CTNNB1: variants seen among roughly 807,000 people sequenced by gnomAD.
CTNNB1 encodes the protein catenin beta-1.
A neutral mutation model predicts 82.5 loss-of-function variants in CTNNB1; 6 were observed. The observed-to-expected ratio is 0.07, with a 90% CI of 0.04 to 0.14. CTNNB1 has a LOEUF of 0.14. Ranked by LOEUF, CTNNB1 falls within the 10% of genes least tolerant of loss-of-function variation. CTNNB1 has a pLI of 1.00. For synonymous variants in CTNNB1, 312 were observed against 329.7 expected (o/e 0.95, Z 0.58); for missense variants, 529 against 980.4 (o/e 0.54, Z 6.15).
chr3:41,216,921 C>T (rs1166652656), intron 1 of CTNNB1, among the ~76,000 whole-genome samples: 2 of 152,058 alleles, frequency 1.3e-5, no homozygotes, highest in Non-Finnish European at 2.9e-5. Flanking sequence ...CTACAGTAAC[C>T]TCCTAAATGG....
intron 1 of CTNNB1, among the ~76,000 whole-genome samples, chr3:41,202,994 A>G (rs1033189884): frequency 6.6e-6 from 1 of 151,726 alleles, no homozygotes; most frequent in Non-Finnish European, 1.5e-5. Flanking sequence ...CTTGAAAGAT[A>G]AAGTCAATCA....
intron 6 of CTNNB1, among the ~76,000 whole-genome samples, chr3:41,226,811 G>C (rs1362065122): frequency 6.6e-6 from 1 of 152,156 alleles, no homozygotes; most frequent in Non-Finnish European, 1.5e-5. Flanking sequence ...GAAAATTAAA[G>C]GGCCAAATGA....
chr3:41,236,556 T>G (rs1373594301), intron 12 of CTNNB1, 32 bp from the exon 13 acceptor site: 2 of 1,614,188 alleles, frequency 1.2e-6, no homozygotes, highest in South Asian at 1.1e-5. Context: ...TCTCAGTTTT[T>G]CCTCAAGGGC....
Position 41,235,756 on chromosome 3 carries a change from T to C in CTNNB1, c.1716T>C (p.Gly572=), listed in dbSNP as rs768895650. The stretch of plus-strand genomic sequence containing the variant: ...TCCGCATGGAAGAAATAGTTGAAGG[T>C]TGTACCGGAGCCCTTCACATCCTAG... ...EGVRMEEIVE[G]CTGALHILAR... is the part of the protein sequence containing the mutation. The change falls in exon 11 of 15, where the codon GGT becomes GGC. Residue 572 remains glycine (G), a synonymous_variant. Coordinates refer to ENST00000349496, the MANE Select transcript of CTNNB1 (RefSeq NM_001904.4). 2 of 1,614,144 alleles carry C rather than the reference T, an allele frequency of 1.2e-6. No homozygotes were observed. Among genetic ancestry groups the C allele is most frequent in the Admixed American group, 1.7e-5 (1 of 60,020 alleles).
chr3:41,229,876 CTGTGTGTGTGTGTG>C (rs58153157), intron 7 of CTNNB1, among the ~76,000 whole-genome samples: 6 of 147,128 alleles, frequency 4.1e-5, no homozygotes, highest in African/African-American at 1.0e-4. Context: ...CTCTTGGGTT[CTGTGTGTGTGTGTG>C]TGTGTGTGTG....
Position 41,215,213 on chromosome 3 carries a change from TAAAAAAAAAAAA to T in CTNNB1, c.-48-8794_-48-8783del, listed in dbSNP as rs10576683. On this transcript the variant is annotated intron_variant, in intron 1 of 14. Coordinates refer to ENST00000349496, the MANE Select transcript of CTNNB1 (RefSeq NM_001904.4). ...CAAGATGGTGAAACCCTGTCTCCAT[TAAAAAAAAAAAA>T]AAAAAAAAAAAAATAGCTGGGGTTG... 5.3e-5 allele frequency among the ~76,000 whole-genome samples: 4 copies of T among 76,174 alleles called. No homozygotes were observed. The Admixed American group carries it at 6.5e-4, about 12-fold the overall frequency. 50.0% of individuals were successfully genotyped at this position (76,174 alleles called of 152,430 possible).
Position 41,224,626 on chromosome 3 carries a change from T to G in CTNNB1, c.114T>G (p.Gly38=), listed in dbSNP as rs2125617412. The change falls in exon 3 of 15, where the codon GGT becomes GGG. Residue 38 remains glycine, a synonymous_variant. Coordinates refer to ENST00000349496, the MANE Select transcript of CTNNB1 (RefSeq NM_001904.4). Reference sequence around the variant, plus strand: ...ACCTGGACTCTGGAATCCATTCTGGTGCCACTACCACAGCTCCTTCTCTGA... The same window carrying G: ...ACCTGGACTCTGGAATCCATTCTGGGGCCACTACCACAGCTCCTTCTCTGA... ...QSYLDSGIHS[G]ATTTAPSLSG... The G allele has an allele frequency of 6.2e-7, 1 of 1,613,978 alleles. No individual in the cohort carries two copies. The highest frequency in any genetic ancestry group is 8.5e-7 in the Non-Finnish European group (1 of 1,179,966).
At chr3:41,220,787 G>T (rs2078028999) in intron 1 of CTNNB1, 2 of 152,082 alleles carry the variant, frequency 1.3e-5, no homozygotes, top group Admixed American at 1.3e-4. Context: ...AAATATGTCT[G>T]CTTTATATTT....
intron 1 of CTNNB1, among the ~76,000 whole-genome samples, chr3:41,215,864 T>A (rs2125602661): frequency 6.6e-6 from 1 of 152,304 alleles, no homozygotes; most frequent in Admixed American, 6.5e-5. Flanking sequence ...CAAAGTATGG[T>A]GTATATTTCA....
At chr3:41,224,342 TC>T (rs1199026348) in intron 2 of CTNNB1, 183 bp from the exon 3 acceptor site, 7 of 717,202 alleles carry the variant, frequency 9.8e-6, no homozygotes, top group Middle Eastern at 3.4e-4. Context: ...GTTAGGTGGT[TC>T]CCTAAGGGAT....
At chr3:41,226,248 G>A (rs2078174473) in intron 6 of CTNNB1, among the ~76,000 whole-genome samples, 1 of 152,208 alleles carries the variant, frequency 6.6e-6, no homozygotes. Flanking sequence ...GTTTCCATAT[G>A]TAAAGCACTA....
intron 10 of CTNNB1, 88 bp downstream of exon 10, chr3:41,234,385 T>TC: frequency 1.5e-6 from 2 of 1,321,226 alleles, no homozygotes; most frequent in Non-Finnish European, 2.2e-6. Context: ...GGTCATTGGT[T>TC]CCCCCCATCC....
chr3:41,199,952 G>A (rs1436443163), intron 1 of CTNNB1: 2 of 142,262 alleles, frequency 1.4e-5, no homozygotes, highest in African/African-American at 2.5e-5. Context: ...AGCCCGGATG[G>A]CAGGCGGGGT....
chr3:41,228,395 T>C (rs902889896), intron 7 of CTNNB1, among the ~76,000 whole-genome samples: 2 of 152,208 alleles, frequency 1.3e-5, no homozygotes, highest in Admixed American at 1.3e-4. Context: ...TTTTTTGACT[T>C]TTTATTAGTA....
chr3:41,219,253 T>C (rs1216880762), intron 1 of CTNNB1, among the ~76,000 whole-genome samples: 1 of 152,164 alleles, frequency 6.6e-6, no homozygotes, highest in Non-Finnish European at 1.5e-5. Flanking sequence ...TTTTTTCCCC[T>C]GAAGTACCAG....
chr3:41,231,259 G>T (rs758981901), intron 7 of CTNNB1, among the ~76,000 whole-genome samples: 1 of 152,008 alleles, frequency 6.6e-6, no homozygotes, highest in African/African-American at 2.4e-5. Flanking sequence ...CCCGGGAGGC[G>T]GAGCTTGCAG....
intron 13 of CTNNB1, chr3:41,237,508 A>G (rs1017567631): frequency 6.8e-6 from 1 of 147,116 alleles, no homozygotes; most frequent in African/African-American, 2.5e-5. Flanking sequence ...GGTTTTTAAT[A>G]GGCATCTTAT....
chr3:41,201,515 A>G (rs557091926), intron 1 of CTNNB1, among the ~76,000 whole-genome samples: 1 of 152,312 alleles, frequency 6.6e-6, no homozygotes, highest in South Asian at 2.1e-4. Flanking sequence ...AAAAACTTTC[A>G]GAAGTCTATT....
At chr3:41,211,237 C>T (rs2077779063) in intron 1 of CTNNB1, among the ~76,000 whole-genome samples, 1 of 152,178 alleles carries the variant, frequency 6.6e-6, no homozygotes, top group Admixed American at 6.5e-5. Flanking sequence ...TTTTTCAGCT[C>T]CATTATAATC....
Sources: gnomAD v4.1 joint callset for allele counts (sites outside exome capture counted in the v4.1 genomes callset) on GRCh38, gnomAD v4.1.1 for gene constraint, MANE v1.5 for transcripts, NCBI Gene and HGNC (gene_info 2026-07-23, HGNC 2026-07-21) for gene names.